Variants in UQCRC2 observed in about 807,000 individuals in gnomAD.
The protein encoded by UQCRC2 is ubiquinol-cytochrome c reductase core protein 2, also known as cytochrome b-c1 complex subunit 2, mitochondrial.
Under a neutral mutation model 55.6 loss-of-function variants are expected in UQCRC2, and 49 were observed. That is an observed-to-expected ratio of 0.88 (90% CI 0.70 to 1.12). The LOEUF is 1.12. Ranked by LOEUF, UQCRC2 falls within the 50% of genes most tolerant of loss-of-function variation. UQCRC2 has a pLI of 0.00. For missense variants in UQCRC2, 506 were observed against 547.8 expected, an observed-to-expected ratio of 0.92 and a Z score of 0.76; for synonymous variants, 193 against 192.0, an observed-to-expected ratio of 1.01 and a Z score of -0.04.
In UQCRC2 at chr16:21,983,362, T is replaced by C; in HGVS notation, c.*191T>C. 1.9e-6 allele frequency: 1 copy of C among 536,610 alleles called. No individual in the cohort carries two copies. The allele number at this position is 536,610 out of a possible 1,614,324, so 33.2% of individuals were successfully genotyped here. ...ATTCTGTTTAAGTGTTTTTCTTACGTTTTTCTCAATGAGTTAATCAACAAG... is the reference window on the plus strand; with the variant it reads ...ATTCTGTTTAAGTGTTTTTCTTACGCTTTTCTCAATGAGTTAATCAACAAG... On this transcript the variant is annotated 3_prime_UTR_variant, in exon 14 of 14. Transcript: ENST00000268379.
At chr16:21,959,405 A>G (rs778608332) in intron 4 of UQCRC2, 9 of 269,046 alleles carry the variant, frequency 3.3e-5, no homozygotes, top group South Asian at 3.1e-4. Context: ...CTCATCCATA[A>G]GAAGCATCTC....
chr16:21,971,791 G>T lies in UQCRC2; in HGVS notation c.767-132G>T, dbSNP rs956298006. The T allele has an allele frequency of 5.8e-6, 8 of 1,370,716 alleles. No individual in the cohort carries two copies. In the African/African-American group the frequency reaches 1.1e-4, roughly 20 times the overall value. 84.9% of individuals were successfully genotyped at this position (1,370,716 alleles called of 1,614,324 possible). On this transcript the variant is annotated intron_variant, in intron 9 of 13. Transcript: ENST00000268379. Reference sequence around the variant, plus strand: ...ATGTTTTGTGTGTGTTTGGGGACAGGATGGCATGGGGAAAGCACCGAGCTG... The same window carrying T: ...ATGTTTTGTGTGTGTTTGGGGACAGTATGGCATGGGGAAAGCACCGAGCTG...
intron 1 of UQCRC2, among the ~76,000 whole-genome samples, chr16:21,955,054 CAAAAAAAAAAA>C (rs11388256): frequency 2.9e-5 from 3 of 101,894 alleles, no homozygotes; most frequent in Non-Finnish European, 5.6e-5. Flanking sequence ...GACTCCGTCT[CAAAAAAAAAAA>C]AAAAAAAAAA....
intron 7 of UQCRC2, among the ~76,000 whole-genome samples, chr16:21,966,682 C>G (rs896672584): frequency 1.3e-5 from 2 of 152,220 alleles, no homozygotes; most frequent in Non-Finnish European, 2.9e-5. Context: ...TTTTAACTTA[C>G]ATCATCCAAC....
intron 9 of UQCRC2, 84 bp from the exon 10 acceptor site, chr16:21,971,839 A>G: frequency 6.3e-7 from 1 of 1,579,464 alleles, no homozygotes; most frequent in East Asian, 2.2e-5. Context: ...GTGGGTTAAT[A>G]CTGTGTTGTA....
At position 21,957,215 on chromosome 16, in the gene UQCRC2, C is replaced by T. The variant is rs1254424251; in HGVS notation, c.34-20C>T. On this transcript the variant is annotated intron_variant, in intron 1 of 13. Coordinates refer to ENST00000268379, the MANE Select transcript of UQCRC2 (RefSeq NM_003366.4). ...CTGTTCTTGTGAGAAATACGTGTAA[C>T]CTGTGTTTTTTATGTTTAGAGATTT... 5 of 1,611,372 alleles carry T rather than the reference C, an allele frequency of 3.1e-6. No individual in the cohort carries two copies. Among genetic ancestry groups the T allele is most frequent in the African/African-American group, 1.3e-5 (1 of 74,824 alleles).
At chr16:21,965,286 C>T (rs1898298414) in intron 6 of UQCRC2, 122 bp from the exon 7 acceptor site, 2 of 786,510 alleles carry the variant, frequency 2.5e-6, no homozygotes, top group East Asian at 2.7e-5. Context: ...ATTTTAAGTC[C>T]TCTTAACATA....
At chr16:21,956,409 C>T (rs1428563561) in intron 1 of UQCRC2, among the ~76,000 whole-genome samples, 2 of 151,948 alleles carry the variant, frequency 1.3e-5, no homozygotes, top group Non-Finnish European at 2.9e-5. Context: ...CCAGGCGTGG[C>T]AGCATGTACC....
intron 1 of UQCRC2, among the ~76,000 whole-genome samples, chr16:21,954,956 G>A (rs1898065273): frequency 6.7e-6 from 1 of 150,114 alleles, no homozygotes; most frequent in African/African-American, 2.5e-5. Flanking sequence ...TCAGGAGGCT[G>A]AGGCAGGAGA....
chr16:21,958,808 T>C (rs1898136558), intron 4 of UQCRC2, among the ~76,000 whole-genome samples: 1 of 152,178 alleles, frequency 6.6e-6, no homozygotes. Context: ...ATCTGCAATA[T>C]ATAGGCATAC....
At chr16:21,970,219 G>A (rs772106872) in intron 8 of UQCRC2, among the ~76,000 whole-genome samples, 1 of 152,126 alleles carries the variant, frequency 6.6e-6, no homozygotes, top group Non-Finnish European at 1.5e-5. Context: ...TGGCATTTGG[G>A]TTGTTTCTAC....
intron 8 of UQCRC2, 122 bp from the exon 9 acceptor site, chr16:21,971,403 A>T (rs1898455900): frequency 1.3e-6 from 1 of 752,616 alleles, no homozygotes; most frequent in South Asian, 2.0e-5. Flanking sequence ...TGGCAGGAAG[A>T]CTCTTATTTA....
intron 1 of UQCRC2, among the ~76,000 whole-genome samples, chr16:21,954,480 C>T (rs1264838919): frequency 6.6e-6 from 1 of 152,132 alleles, no homozygotes; most frequent in Non-Finnish European, 1.5e-5. Flanking sequence ...CCAGTGATTA[C>T]CCTTGGAGGG....
At position 21,971,915 on chromosome 16, in the gene UQCRC2, G is replaced by A; in HGVS notation, c.767-8G>A. ...TTCTTCTTCCCTCTATCCTTAATCT[G>A]GCCCCAGGTGAAATCCGAGAACAGA... On this transcript the variant is annotated splice_region_variant and splice_polypyrimidine_tract_variant and intron_variant, in intron 9 of 13. Transcript: ENST00000268379. 6.2e-7 allele frequency: 1 copy of A among 1,613,530 alleles called. No individual in the cohort carries two copies. The highest frequency in any genetic ancestry group is 8.5e-7 in the Non-Finnish European group (1 of 1,180,012).
At chr16:21,982,237 A>G (rs1395219107) in intron 13 of UQCRC2, among the ~76,000 whole-genome samples, 1 of 152,020 alleles carries the variant, frequency 6.6e-6, no homozygotes, top group Non-Finnish European at 1.5e-5. Flanking sequence ...CTTCATAGTA[A>G]TAAGATAAGC....
At chr16:21,973,822 TAGGCAAAC>T in intron 10 of UQCRC2, 66 bp from the exon 11 acceptor site, 1 of 1,424,870 alleles carries the variant, frequency 7.0e-7, no homozygotes, top group East Asian at 2.3e-5. Context: ...AAGTTTTTTC[TAGGCAAAC>T]TTAAAGAAAT....
intron 8 of UQCRC2, among the ~76,000 whole-genome samples, chr16:21,971,147 G>A (rs1476406716): frequency 1.3e-5 from 2 of 152,074 alleles, no homozygotes; most frequent in Non-Finnish European, 2.9e-5. Flanking sequence ...CAAATAAATG[G>A]TGGTAGAGCC....
In UQCRC2 at chr16:21,983,532, T is replaced by G; in HGVS notation, c.*361T>G. 3.4e-6 allele frequency: 1 copy of G among 292,042 alleles called. No homozygotes were observed. The highest frequency in any genetic ancestry group is 6.2e-6 in the Non-Finnish European group (1 of 160,200). The allele number at this position is 292,042 out of a possible 1,614,324, so 18.1% of individuals were successfully genotyped here. A position where few individuals can be genotyped will look rare whatever the true frequency, so the allele number is the denominator to read the frequency against. Reference sequence around the variant, plus strand: ...AGTGCCAGATTACTATTGGTGGCGTTTAAGATGAAAGCAAGTTCAAAATTT... The same window carrying G: ...AGTGCCAGATTACTATTGGTGGCGTGTAAGATGAAAGCAAGTTCAAAATTT... On this transcript the variant is annotated 3_prime_UTR_variant, in exon 14 of 14. Coordinates refer to ENST00000268379, the MANE Select transcript of UQCRC2 (RefSeq NM_003366.4).
At chr16:21,982,189 T>C (rs1013731250) in intron 13 of UQCRC2, among the ~76,000 whole-genome samples, 7 of 152,086 alleles carry the variant, frequency 4.6e-5, no homozygotes, top group Non-Finnish European at 1.0e-4. Flanking sequence ...CCTATCATTA[T>C]GTGCGTCCCA....
Sources: allele counts gnomAD v4.1 joint callset (sites outside exome capture counted in the v4.1 genomes callset), GRCh38; gene constraint gnomAD v4.1.1; transcripts MANE v1.5; gene names NCBI Gene and HGNC (gene_info 2026-07-23, HGNC 2026-07-21).